Variants in LRRC53 observed in about 807,000 individuals in gnomAD.
LRRC53 encodes leucine-rich repeat-containing protein 53.
In LRRC53, 25 loss-of-function variants were observed where a neutral mutation model predicts 13.6. The observed-to-expected ratio is 1.83, with a 90% CI of 1.34 to 2.56. The LOEUF (loss-of-function observed/expected upper bound fraction) is 2.56. Among genes scored for constraint, LRRC53 ranks in the 30% most tolerant of loss-of-function variants. The pLI, the probability that LRRC53 is intolerant of heterozygous loss-of-function variation, is 0.00. For synonymous variants in LRRC53, 204 were observed against 109.8 expected (o/e 1.86, Z -5.37); for missense variants, 527 against 275.8 (o/e 1.91, Z -6.45).
upstream of LRRC53, among the ~76,000 whole-genome samples, chr1:74,515,890 C>T (rs1490194872): frequency 1.3e-5 from 2 of 152,196 alleles, no homozygotes; most frequent in African/African-American, 2.4e-5. Flanking sequence ...ACCTGCCAAC[C>T]TAATGCCCCA....
intron 1 of LRRC53, among the ~76,000 whole-genome samples, chr1:74,505,732 A>G (rs1221267616): frequency 6.6e-6 from 1 of 152,196 alleles, no homozygotes; most frequent in African/African-American, 2.4e-5. Context: ...TATGAGATGG[A>G]GTTTTTCTTG....
At chr1:74,534,814 A>G in the LRRC53 span, among the ~76,000 whole-genome samples, 3 of 152,072 alleles carry the variant, frequency 2.0e-5, no homozygotes, top group African/African-American at 7.2e-5. Flanking sequence ...ATCCTTAACG[A>G]TGGGTTTATG....
intron 2 of LRRC53, among the ~76,000 whole-genome samples, chr1:74,481,785 T>A (rs1055567846): frequency 5.9e-5 from 9 of 152,212 alleles, no homozygotes; most frequent in Non-Finnish European, 1.2e-4. Context: ...TTGTAACACA[T>A]CTTTATCATG....
At chr1:74,534,281 C>T in the LRRC53 span, among the ~76,000 whole-genome samples, 3 of 152,172 alleles carry the variant, frequency 2.0e-5, no homozygotes, top group Admixed American at 2.0e-4. Context: ...AATCAAAGTT[C>T]CCAAGTTTGC....
intron 1 of LRRC53, among the ~76,000 whole-genome samples, chr1:74,500,600 T>C (rs1164916578): frequency 3.8e-5 from 2 of 53,018 alleles, no homozygotes; most frequent in African/African-American, 1.3e-4. Flanking sequence ...CGAGACTCCG[T>C]CTCAAAAAAA....
chr1:74,469,960 T>G lies in LRRC53; in HGVS notation c.3662A>C (p.Glu1221Ala), dbSNP rs557131462. The change falls in exon 5 of 5, where the codon GAA (glutamate) becomes GCA (alanine). Residue 1221 changes from glutamate (E) to alanine (A), a missense_variant. By Grantham distance (107) the Glu-to-Ala change is moderately radical. Coordinates refer to ENST00000294635, the MANE Select transcript of LRRC53 (RefSeq NM_001382280.1). Reference sequence around the variant, plus strand: ...AGGTTTTGGAGCAGAGTTTTCAGCTTCATTTATTCTGCTAGGAACTAAAAA... The same window carrying G: ...AGGTTTTGGAGCAGAGTTTTCAGCTGCATTTATTCTGCTAGGAACTAAAAA... The part of the protein sequence containing the change: ...EVFLVPSRIN[E>A]AENSAPKPVL... 5.0e-6 allele frequency: 2 copies of G among 400,694 alleles called. No individual in the cohort carries two copies. Among genetic ancestry groups the G allele is most frequent in the South Asian group, 2.5e-4 (2 of 7,956 alleles). The allele number at this position is 400,694 out of a possible 1,614,324, so 24.8% of individuals were successfully genotyped here. A position where few individuals can be genotyped will look rare whatever the true frequency, so the allele number is the denominator to read the frequency against.
chr1:74,534,397 G>A, the LRRC53 span, among the ~76,000 whole-genome samples: 2 of 152,104 alleles, frequency 1.3e-5, no homozygotes, highest in Non-Finnish European at 2.9e-5. Flanking sequence ...AGCAATTGTG[G>A]CACTAGCAAA....
chr1:74,476,608 A>G (rs1054660048), intron 3 of LRRC53, among the ~76,000 whole-genome samples: 1 of 152,152 alleles, frequency 6.6e-6, no homozygotes, highest in African/African-American at 2.4e-5. Context: ...GATTCTGTTT[A>G]TGAATTCTGA....
intron 1 of LRRC53, among the ~76,000 whole-genome samples, chr1:74,508,346 G>T (rs987453939): frequency 1.3e-5 from 2 of 152,144 alleles, no homozygotes; most frequent in African/African-American, 4.8e-5. Context: ...CCAGATAACA[G>T]GCTATGGTAC....
At position 74,471,085 on chromosome 1, in the gene LRRC53, G is replaced by A. The variant is rs548397088; in HGVS notation, c.2537C>T (p.Thr846Ile). Residue 846 changes from threonine (T) to isoleucine (I), a missense_variant, in exon 5 of 5, where the codon ACT becomes ATT. Thr to Ile is a moderately conservative substitution (Grantham distance 89). Transcript: ENST00000294635. The stretch of plus-strand genomic sequence containing the variant: ...ATGTGAGTGCCTGTGCTCAGCATCA[G>A]TGGGTGTAGGTTGGGGCAATTTTGA... Reference protein sequence around the residue: ...NTSKLPQPTPTDAEHRHSHSQ... With the variant: ...NTSKLPQPTPIDAEHRHSHSQ... 2.5e-6 allele frequency: 1 copy of A among 400,760 alleles called. No individual in the cohort carries two copies. Among genetic ancestry groups the A allele is most frequent in the Admixed American group, 4.4e-5 (1 of 22,744 alleles). 24.8% of individuals were successfully genotyped at this position (400,760 alleles called of 1,614,324 possible). A position where few individuals can be genotyped will look rare whatever the true frequency, so the allele number is the denominator to read the frequency against.
chr1:74,532,595 A>C, the LRRC53 span, among the ~76,000 whole-genome samples: 3 of 151,870 alleles, frequency 2.0e-5, no homozygotes, highest in Admixed American at 6.6e-5. Context: ...ATTTAGCATT[A>C]GGTATATCTC....
At chr1:74,479,608 T>C (rs80016177) in intron 3 of LRRC53, among the ~76,000 whole-genome samples, 2,881 of 152,284 alleles carry the variant, frequency 0.019, 89 homozygotes, top group African/African-American at 0.065. Flanking sequence ...TTAACTACTA[T>C]GCCATACAAA....
At chr1:74,507,942 G>A (rs1263003846) in intron 1 of LRRC53, among the ~76,000 whole-genome samples, 2 of 152,158 alleles carry the variant, frequency 1.3e-5, no homozygotes, top group African/African-American at 2.4e-5. Flanking sequence ...AGTTTGCCAG[G>A]AACCAAAGAT....
At chr1:74,533,948 A>G in the LRRC53 span, among the ~76,000 whole-genome samples, 2 of 152,178 alleles carry the variant, frequency 1.3e-5, no homozygotes, top group Non-Finnish European at 2.9e-5. Context: ...GTTCAAGTTC[A>G]GTTTCTGCCT....
chr1:74,507,744 A>G (rs1033966821), intron 1 of LRRC53, among the ~76,000 whole-genome samples: 8 of 152,188 alleles, frequency 5.3e-5, no homozygotes, highest in Non-Finnish European at 8.8e-5. Flanking sequence ...ATTCCCTACT[A>G]ATATGGTACT....
the LRRC53 span, among the ~76,000 whole-genome samples, chr1:74,532,376 T>C: frequency 2.4e-4 from 37 of 152,304 alleles, no homozygotes; most frequent in African/African-American, 8.4e-4. Context: ...TCCAAAACCC[T>C]TTAACTTATT....
rs200314135 is a variant in LRRC53, at chr1:74,489,160, G to T, written c.-26-5785C>A. ...AGAGTCTCCTTCCTTTTATTCTTAA[G>T]GGAAAAAAGTTCTTTTTTCTATTTA... On this transcript the variant is annotated intron_variant, in intron 1 of 4. Transcript: ENST00000294635. 60 of 1,591,920 alleles carry T rather than the reference G, an allele frequency of 3.8e-5. No individual in the cohort carries two copies. The African/African-American group carries it at 6.2e-4, about 16-fold the overall frequency.
intron 1 of LRRC53, among the ~76,000 whole-genome samples, chr1:74,502,404 A>G (rs1002587109): frequency 2.6e-5 from 4 of 152,226 alleles, no homozygotes; most frequent in African/African-American, 7.2e-5. Flanking sequence ...TTTTTTAGAT[A>G]AAACAGAAAC....
chr1:74,529,973 T>C, the LRRC53 span, among the ~76,000 whole-genome samples: 1 of 152,148 alleles, frequency 6.6e-6, no homozygotes. Flanking sequence ...TGGGTTTTTT[T>C]CCTTGTTTTG....
Sources: allele counts gnomAD v4.1 joint callset (sites outside exome capture counted in the v4.1 genomes callset), GRCh38; gene constraint gnomAD v4.1.1; transcripts MANE v1.5; gene names NCBI Gene and HGNC (gene_info 2026-07-23, HGNC 2026-07-21).